Variants in ADAMTS6 observed in about 807,000 individuals in gnomAD.
ADAMTS6 encodes the protein A disintegrin and metalloproteinase with thrombospondin motifs 6.
Under a neutral mutation model 144.3 loss-of-function variants are expected in ADAMTS6, and 23 were observed. The observed-to-expected ratio is 0.16, with a 90% CI of 0.11 to 0.23. ADAMTS6 has a LOEUF of 0.23. ADAMTS6 is among the 10% of genes least tolerant of loss of function. The pLI, the probability that ADAMTS6 is intolerant of heterozygous loss-of-function variation, is 1.00. For missense variants in ADAMTS6, 999 were observed against 1,379.6 expected (o/e 0.72, Z 4.37); for synonymous variants, 444 against 457.5 (o/e 0.97, Z 0.38).
intron 7 of ADAMTS6, among the ~76,000 whole-genome samples, chr5:65,341,228 T>A (rs750824308): frequency 6.6e-6 from 1 of 151,990 alleles, no homozygotes; most frequent in African/African-American, 2.4e-5. Context: ...GGAAAGCTTA[T>A]AGCAATAAAT....
chr5:65,372,567 T>C (rs1751067131), intron 7 of ADAMTS6, among the ~76,000 whole-genome samples: 1 of 151,862 alleles, frequency 6.6e-6, no homozygotes, highest in African/African-American at 2.4e-5. Context: ...CTATCCTAAA[T>C]ATATATGCAC....
At chr5:65,260,417 C>T (rs1761075138) in intron 14 of ADAMTS6, among the ~76,000 whole-genome samples, 183 bp downstream of exon 14, 1 of 152,092 alleles carries the variant, frequency 6.6e-6, no homozygotes, top group African/African-American at 2.4e-5. Flanking sequence ...GGAGCTCCCC[C>T]TTGACCCTTA....
chr5:65,385,941 G>C (rs1263506049), intron 7 of ADAMTS6, among the ~76,000 whole-genome samples: 1 of 152,148 alleles, frequency 6.6e-6, no homozygotes, highest in Non-Finnish European at 1.5e-5. Flanking sequence ...TTGGAGAAGG[G>C]ACTAAGAATT....
In ADAMTS6 at chr5:65,399,041, G is replaced by A. The variant is rs189607664; in HGVS notation, c.1073+52434C>T. On this transcript the variant is annotated intron_variant, in intron 7 of 24. Coordinates refer to ENST00000381055, the MANE Select transcript of ADAMTS6 (RefSeq NM_197941.4). ...GGAGGCCGAGGTGGATGGATCGTCC[G>A]AGGTCAGGAGTTCGAGATCAGCCTG... 3.1e-3 allele frequency among the ~76,000 whole-genome samples: 471 copies of A among 152,088 alleles called. 6 individuals carry two copies. The highest frequency in any genetic ancestry group is 0.027 in the Admixed American group (420 of 15,276).
At chr5:65,235,264 G>C (rs541562416) in intron 15 of ADAMTS6, among the ~76,000 whole-genome samples, 1 of 152,284 alleles carries the variant, frequency 6.6e-6, no homozygotes, top group South Asian at 2.1e-4. Context: ...ACATTAATTA[G>C]CTTGATTATG....
At chr5:65,224,521 A>G in intron 17 of ADAMTS6, 121 bp from the exon 18 acceptor site, 2 of 838,394 alleles carry the variant, frequency 2.4e-6, no homozygotes, top group Non-Finnish European at 3.9e-6. Flanking sequence ...CATTTTATGA[A>G]TTATGAAATA....
chr5:65,233,055 A>C (rs368413607), intron 15 of ADAMTS6, among the ~76,000 whole-genome samples: 6 of 152,298 alleles, frequency 3.9e-5, no homozygotes, highest in East Asian at 3.9e-4. Context: ...TACACAAATC[A>C]GGCACTGTAA....
intron 21 of ADAMTS6, among the ~76,000 whole-genome samples, chr5:65,188,573 G>A (rs1346590059): frequency 6.6e-6 from 1 of 152,146 alleles, no homozygotes; most frequent in South Asian, 2.1e-4. Context: ...CCAGTGATGC[G>A]CTAATAAATG....
At chr5:65,387,444 T>C (rs533153463) in intron 7 of ADAMTS6, among the ~76,000 whole-genome samples, 48 of 152,346 alleles carry the variant, frequency 3.2e-4, no homozygotes, top group South Asian at 8.3e-4. Flanking sequence ...TATATACTTA[T>C]AGTGTGCCTT....
intron 14 of ADAMTS6, among the ~76,000 whole-genome samples, chr5:65,253,812 C>CTTTTTTTTTTTTTTTT (rs759508097): frequency 3.0e-5 from 2 of 66,962 alleles, no homozygotes; most frequent in African/African-American, 6.5e-5. Flanking sequence ...AATATTCAAT[C>CTTTTTTTTTTTTTTTT]TTTTTTTTTT....
intron 5 of ADAMTS6, 67 bp downstream of exon 5, chr5:65,452,640 A>G: frequency 6.5e-7 from 1 of 1,545,948 alleles, no homozygotes; most frequent in Non-Finnish European, 8.8e-7. Flanking sequence ...CACAGCAAAA[A>G]TTTATGACCT....
intron 9 of ADAMTS6, among the ~76,000 whole-genome samples, chr5:65,311,898 A>C (rs2112845106): frequency 6.6e-6 from 1 of 152,218 alleles, no homozygotes; most frequent in East Asian, 1.9e-4. Flanking sequence ...ATGCCTCGTT[A>C]AATTTTTCTG....
intron 7 of ADAMTS6, among the ~76,000 whole-genome samples, chr5:65,341,380 A>C (rs1747805882): frequency 6.6e-6 from 1 of 152,064 alleles, no homozygotes; most frequent in Middle Eastern, 3.4e-3. Flanking sequence ...AAATGAAACT[A>C]AAAAATATGA....
rs1326757238 is a variant in ADAMTS6 at position 65,456,847 on chromosome 5, T to C, written c.631+3323A>G. 1.3e-5 allele frequency among the ~76,000 whole-genome samples: 2 copies of C among 152,188 alleles called. 1 individual carries two copies. The highest frequency in any genetic ancestry group is 4.8e-5 in the African/African-American group (2 of 41,454). On this transcript the variant is annotated intron_variant, in intron 4 of 24. Coordinates refer to ENST00000381055, the MANE Select transcript of ADAMTS6 (RefSeq NM_197941.4). ...TTTTCTAAAAGGAACATTTATTACTTCTATAAAATGTTTAAAAATTCGTAG... is the reference window on the plus strand; with the variant it reads ...TTTTCTAAAAGGAACATTTATTACTCCTATAAAATGTTTAAAAATTCGTAG...
intron 22 of ADAMTS6, among the ~76,000 whole-genome samples, chr5:65,185,498 T>A (rs914627598): frequency 6.6e-6 from 1 of 152,194 alleles, no homozygotes. Context: ...CAACAGCAGC[T>A]CCCTTGGACA....
At chr5:65,164,709 G>A (rs1222382176) in intron 24 of ADAMTS6, among the ~76,000 whole-genome samples, 7,408 of 104,996 alleles carry the variant, frequency 0.071, no homozygotes, top group Non-Finnish European at 0.084. Flanking sequence ...GCCTCCTCAA[G>A]TGGGTCCCTG....
chr5:65,388,441 C>T (rs1752651182), intron 7 of ADAMTS6, among the ~76,000 whole-genome samples: 1 of 152,104 alleles, frequency 6.6e-6, no homozygotes. Flanking sequence ...AGCTCCTAAA[C>T]TTTTAGTTTA....
At chr5:65,322,561 G>GTTTTTT (rs3049530) in intron 9 of ADAMTS6, among the ~76,000 whole-genome samples, 1 of 118,420 alleles carries the variant, frequency 8.4e-6, no homozygotes, top group African/African-American at 3.2e-5. Context: ...GTGGTATGTA[G>GTTTTTT]TTTTTTTTTT....
rs145254051 is a variant in ADAMTS6 at position 65,466,087 on chromosome 5, G to A, written c.462+4691C>T. 3.6e-3 allele frequency among the ~76,000 whole-genome samples: 542 copies of A among 152,072 alleles called. 2 individuals are homozygous for A. The highest frequency in any genetic ancestry group is 0.012 in the African/African-American group (506 of 41,470). ...ATATACATCCCCCTACCTACTCCTC[G>A]AACAGCTTTTTCATCTCAGTTAATT... On this transcript the variant is annotated intron_variant, in intron 3 of 24. Coordinates refer to ENST00000381055, the MANE Select transcript of ADAMTS6 (RefSeq NM_197941.4).
Sources: gnomAD v4.1 joint callset for allele counts (sites outside exome capture counted in the v4.1 genomes callset) on GRCh38, gnomAD v4.1.1 for gene constraint, MANE v1.5 for transcripts, NCBI Gene and HGNC (gene_info 2026-07-23, HGNC 2026-07-21) for gene names.